Variants in APOB observed in about 807,000 individuals in gnomAD.
The protein encoded by APOB is apolipoprotein B-100.
A neutral mutation model predicts 314.1 loss-of-function variants in APOB; 153 were observed. That is an observed-to-expected ratio of 0.49 (90% CI 0.43 to 0.56). The LOEUF (loss-of-function observed/expected upper bound fraction) is 0.56. APOB is among the 20% of genes least tolerant of loss of function. APOB has a pLI of 0.00. For synonymous variants in APOB, 2,087 were observed against 2,036.4 expected, an observed-to-expected ratio of 1.02 and a Z score of -0.67; for missense variants, 5,430 against 5,350.7, an observed-to-expected ratio of 1.01 and a Z score of -0.46.
intron 24 of APOB, among the ~76,000 whole-genome samples, chr2:21,014,223 A>T (rs1339105406): frequency 6.6e-6 from 1 of 152,234 alleles, no homozygotes; most frequent in Non-Finnish European, 1.5e-5. Flanking sequence ...TTAGGGTGAA[A>T]GTACCAGAAT....
At chr2:21,043,421 AGCCCTGTAGAGTGGGAG>A in intron 2 of APOB, 75 bp downstream of exon 2, 1 of 1,428,666 alleles carries the variant, frequency 7.0e-7, no homozygotes, top group Non-Finnish European at 9.7e-7. Flanking sequence ...ATGCCATCTC[AGCCCTGTAGAGTGGGAG>A]GCCCTCAGGG....
Position 21,002,549 on chromosome 2 carries a change from C to A in APOB, c.12873G>T (p.Lys4291Asn). Residue 4291 changes from lysine to asparagine, a missense_variant, in exon 29 of 29, where the codon AAG becomes AAT. Lys to Asn is a moderately conservative substitution (Grantham distance 94). This residue lies in a region of APOB where 3,281 missense variants were observed against 3,171.0 expected (regional missense o/e 1.03). Coordinates refer to ENST00000233242, the MANE Select transcript of APOB (RefSeq NM_000384.3). The part of the protein sequence containing the change: ...QEVFKAIQSL[K>N]TTEVLRNLQD... ...GAAGATTACGTAGCACCTCTGTGGTCTTGAGAGACTGAATGGCTTTAAATA... is the reference window on the plus strand; with the variant it reads ...GAAGATTACGTAGCACCTCTGTGGTATTGAGAGACTGAATGGCTTTAAATA... 1 of 1,613,888 alleles carries A rather than the reference C, an allele frequency of 6.2e-7. No homozygotes were observed. The highest frequency in any genetic ancestry group is 1.1e-5 in the South Asian group (1 of 91,050).
Position 21,011,136 on chromosome 2 carries a change from G to T in APOB, c.5732C>A (p.Thr1911Lys). The T allele has an allele frequency of 1.2e-6, 2 of 1,614,202 alleles. No homozygotes were observed. Among genetic ancestry groups the T allele is most frequent in the African/African-American group, 1.3e-5 (1 of 75,050 alleles). ...APFTMTIDAHTNGNGKLALWG... is the reference protein window; with the variant it reads ...APFTMTIDAHKNGNGKLALWG... ...GAGAGCGAGTTTCCCATTGCCATTT[G>T]TATGTGCATCGATGGTCATGGTAAA... Residue 1911 changes from threonine to lysine, a missense_variant, in exon 26 of 29, where the codon ACA (threonine) becomes AAA (lysine). Thr to Lys is a moderately conservative substitution (Grantham distance 78). This residue lies in a region of APOB where 3,281 missense variants were observed against 3,171.0 expected (regional missense o/e 1.03). Transcript: ENST00000233242.
chr2:21,013,405 T>G lies in APOB; in HGVS notation c.3971A>C (p.Lys1324Thr), dbSNP rs763846768. The G allele has an allele frequency of 3.3e-5, 54 of 1,614,060 alleles. No homozygotes were observed. In the Admixed American group the frequency reaches 8.2e-4, roughly 24 times the overall value. The change falls in exon 25 of 29, where the codon AAG becomes ACG. Residue 1324 changes from lysine to threonine, a missense_variant. Physicochemically the swap from Lys to Thr is moderately conservative, Grantham distance 78. This residue lies in a region of APOB where 2,085 missense variants were observed against 2,079.7 expected (regional missense o/e 1.00). Coordinates refer to ENST00000233242, the MANE Select transcript of APOB (RefSeq NM_000384.3). ...ETVRTPALHFKSVGFHLPSRE... is the reference protein window; with the variant it reads ...ETVRTPALHFTSVGFHLPSRE... Reference sequence around the variant, plus strand: ...AGATGGCAGATGGAATCCCACAGACTTGAAGTGGAGGGCTGGTGTCCTAAC... The same window carrying G: ...AGATGGCAGATGGAATCCCACAGACGTGAAGTGGAGGGCTGGTGTCCTAAC...
rs756428756 is a variant in APOB at position 21,014,397 on chromosome 2, C to G, written c.3842+51G>C. On this transcript the variant is annotated intron_variant, in intron 24 of 28. Transcript: ENST00000233242. ...ATGTCTAAATCATGCTATGTAAAATCTTTCATTTACTTTGCATGGTTCAAG... is the reference window on the plus strand; with the variant it reads ...ATGTCTAAATCATGCTATGTAAAATGTTTCATTTACTTTGCATGGTTCAAG... 19 of 1,602,750 alleles carry G rather than the reference C, an allele frequency of 1.2e-5. No homozygotes were observed. In the East Asian group the frequency reaches 4.0e-4, roughly 34 times the overall value.
chr2:21,010,879 C>T lies in APOB; in HGVS notation c.5989G>A (p.Asp1997Asn), dbSNP rs142661577. The change falls in exon 26 of 29, where the codon GAT (aspartate) becomes AAT (asparagine). Residue 1997 changes from aspartate to asparagine, a missense_variant. Physicochemically the swap from Asp to Asn is conservative, Grantham distance 23. This residue lies in a region of APOB where 3,281 missense variants were observed against 3,171.0 expected (regional missense o/e 1.03). Transcript: ENST00000233242. ...FNNNEYSQDLDAYNTKDKIGV... is the reference protein window; with the variant it reads ...FNNNEYSQDLNAYNTKDKIGV... The stretch of plus-strand genomic sequence containing the variant: ...ATTTTATCTTTAGTGTTGTAAGCAT[C>T]CAAGTCCTGGCTGTATTCATTGTTG... The T allele has an allele frequency of 3.4e-5, 55 of 1,613,974 alleles. No individual in the cohort carries two copies. In the African/African-American group the frequency reaches 5.9e-4, roughly 17 times the overall value.
chr2:21,026,733 G>A lies in APOB; in HGVS notation c.2244+55C>T. 3 of 1,395,360 alleles carry A rather than the reference G, an allele frequency of 2.1e-6. No homozygotes were observed. In the Admixed American group the frequency reaches 5.0e-5, roughly 23 times the overall value. The allele number at this position is 1,395,360 out of a possible 1,614,324, so 86.4% of individuals were successfully genotyped here. A position where few individuals can be genotyped will look rare whatever the true frequency, so the allele number is the denominator to read the frequency against. ...GGACTTCCATGCTTAGAAAAGAATT[G>A]TTTTTGCATTGAGACCCAAAGCTTT... On this transcript the variant is annotated intron_variant, in intron 15 of 28. Coordinates refer to ENST00000233242, the MANE Select transcript of APOB (RefSeq NM_000384.3).
At position 21,010,945 on chromosome 2, in the gene APOB, C is replaced by T. The variant is rs962782390; in HGVS notation, c.5923G>A (p.Ala1975Thr). ...AGTTTCCAGGTGCCTGTCTGCTCAG[C>T]TGGAGTAAGCAGGGCACTGACTTTG... ...EHKVSALLTP[A>T]EQTGTWKLKT... Residue 1975 changes from alanine to threonine, a missense_variant, in exon 26 of 29, where the codon GCT (alanine) becomes ACT (threonine). Ala to Thr is a moderately conservative substitution (Grantham distance 58). Coordinates refer to ENST00000233242, the MANE Select transcript of APOB (RefSeq NM_000384.3). The T allele has an allele frequency of 1.2e-6, 2 of 1,614,122 alleles. No individual in the cohort carries two copies. The highest frequency in any genetic ancestry group is 8.5e-7 in the Non-Finnish European group (1 of 1,180,000).
In APOB at chr2:21,019,784, C is replaced by T. The variant is rs369310292; in HGVS notation, c.2938G>A (p.Ala980Thr). Residue 980 changes from alanine (A) to threonine (T), a missense_variant, in exon 19 of 29, where the codon GCT becomes ACT. Physicochemically the swap from Ala to Thr is moderately conservative, Grantham distance 58. Around this residue, in one of 3 missense-constraint regions of APOB, gnomAD observed 2,085 missense variants for 2,079.7 expected, o/e 1.00. Transcript: ENST00000233242. The part of the protein sequence containing the change: ...FPGLNYCTSG[A>T]YSNASSTDSA... ...TCTGTGGAGCTGGCGTTGGAGTAAG[C>T]GCCTGAGGTGCAGTAATTCAGGCCA... The T allele has an allele frequency of 5.0e-5, 81 of 1,613,994 alleles. No homozygotes were observed. Among genetic ancestry groups the T allele is most frequent in the African/African-American group, 1.2e-4 (9 of 74,902 alleles).
At position 21,042,454 on chromosome 2, in the gene APOB, G is replaced by T. The variant is rs1404729103; in HGVS notation, c.144C>A (p.His48Gln). The T allele has an allele frequency of 3.7e-6, 6 of 1,614,144 alleles. No individual in the cohort carries two copies. Among genetic ancestry groups the T allele is most frequent in the Non-Finnish European group, 5.1e-6 (6 of 1,180,020 alleles). Residue 48 changes from histidine to glutamine, a missense_variant, in exon 3 of 29, where the codon CAC becomes CAA. Around this residue, in one of 3 missense-constraint regions of APOB, gnomAD observed 2,085 missense variants for 2,079.7 expected, o/e 1.00. Transcript: ENST00000233242. ...CATAGTTGTATGTGTACTTCCGGAG[G>T]TGCTTGAATCGGGTCGCATCTTCTA... ...VCPKDATRFK[H>Q]LRKYTYNYEA...
chr2:21,009,470 T>C lies in APOB; in HGVS notation c.7398A>G (p.Leu2466=), dbSNP rs769499708. 6 of 1,614,150 alleles carry C rather than the reference T, an allele frequency of 3.7e-6. No homozygotes were observed. The highest frequency in any genetic ancestry group is 4.2e-6 in the Non-Finnish European group (5 of 1,179,986). ...CCTTGGTTTCCTCTAAAAACAGTTT[T>C]AATGCTTCAGCTTTTTGTGGTAGTT... is the stretch of plus-strand genomic sequence containing the variant. ...ALELPQKAEA[L]KLFLEETKAT... Residue 2466 remains leucine (L), a synonymous_variant, in exon 26 of 29, where the codon TTA becomes TTG. Coordinates refer to ENST00000233242, the MANE Select transcript of APOB (RefSeq NM_000384.3).
chr2:21,011,772 A>G lies in APOB; in HGVS notation c.5096T>C (p.Leu1699Pro). Residue 1699 changes from leucine (L) to proline (P), a missense_variant, in exon 26 of 29, where the codon CTG becomes CCG. Leu to Pro is a moderately conservative substitution (Grantham distance 98). This residue lies in a region of APOB where 2,085 missense variants were observed against 2,079.7 expected (regional missense o/e 1.00). Coordinates refer to ENST00000233242, the MANE Select transcript of APOB (RefSeq NM_000384.3). ...CTCTGTGAGGGCGGCTTTCCCATCC[A>G]GACTGAATTTTGCATTGTGTTCCCT... ...RFREHNAKFS[L>P]DGKAALTELS... 6.2e-7 allele frequency: 1 copy of G among 1,614,102 alleles called. No individual in the cohort carries two copies.
intron 20 of APOB, among the ~76,000 whole-genome samples, chr2:21,016,935 G>C (rs947237866): frequency 4.0e-5 from 6 of 151,432 alleles, no homozygotes; most frequent in Non-Finnish European, 8.8e-5. Context: ...AGTGAGCCGA[G>C]ATGGCACCAC....
rs867744780 is a variant in APOB, at chr2:21,033,171, C to A, written c.1124+128G>T. On this transcript the variant is annotated intron_variant, in intron 9 of 28. Coordinates refer to ENST00000233242, the MANE Select transcript of APOB (RefSeq NM_000384.3). ...TAGTTCTCTATCCAGCAATCATGAACTGATTGACTAATTGATTAACTGGAT... is the reference window on the plus strand; with the variant it reads ...TAGTTCTCTATCCAGCAATCATGAAATGATTGACTAATTGATTAACTGGAT... The A allele has an allele frequency of 1.7e-4, 123 of 743,070 alleles. No individual in the cohort carries two copies. The African/African-American group carries it at 2.0e-3, about 12-fold the overall frequency. The allele number at this position is 743,070 out of a possible 1,614,324, so 46.0% of individuals were successfully genotyped here.
Position 21,003,203 on chromosome 2 carries a change from G to A in APOB, c.12219C>T (p.Asn4073=), listed in dbSNP as rs886055573. Residue 4073 remains asparagine (N), a synonymous_variant, in exon 29 of 29, where the codon AAC becomes AAT. Coordinates refer to ENST00000233242, the MANE Select transcript of APOB (RefSeq NM_000384.3). The part of the protein sequence containing the change: ...ASGLLTSLKD[N]VPKATGVLYD... Reference sequence around the variant, plus strand: ...AAAGGACCCCTGTGGCCTTGGGCACGTTGTCTTTCAGAGAGGTTAGCAAGC... The same window carrying A: ...AAAGGACCCCTGTGGCCTTGGGCACATTGTCTTTCAGAGAGGTTAGCAAGC... 1.9e-5 allele frequency: 31 copies of A among 1,614,016 alleles called. 1 individual carries two copies. Among genetic ancestry groups the A allele is most frequent in the South Asian group, 1.3e-4 (12 of 91,074 alleles).
chr2:21,039,123 A>G (rs1664074950), intron 4 of APOB, among the ~76,000 whole-genome samples: 1 of 152,190 alleles, frequency 6.6e-6, no homozygotes, highest in Non-Finnish European at 1.5e-5. Flanking sequence ...AGTCCCAAAG[A>G]CTAAAATATC....
chr2:21,010,254 A>G lies in APOB; in HGVS notation c.6614T>C (p.Ile2205Thr). ...KIAIANIIDE[I>T]IEKLKSLDEH... is the part of the protein sequence containing the mutation. ...ATCAAGACTTTTTAATTTTTCAATG[A>G]TTTCATCAATAATATTAGCAATAGC... The change falls in exon 26 of 29, where the codon ATC becomes ACC. Residue 2205 changes from isoleucine (I) to threonine (T), a missense_variant. Transcript: ENST00000233242. 1 of 1,557,074 alleles carries G rather than the reference A, an allele frequency of 6.4e-7. No individual in the cohort carries two copies. Among genetic ancestry groups the G allele is most frequent in the Non-Finnish European group, 8.7e-7 (1 of 1,153,550 alleles).
chr2:21,034,521 C>CT (rs1663954681), intron 8 of APOB, among the ~76,000 whole-genome samples: 1 of 152,206 alleles, frequency 6.6e-6, no homozygotes, highest in Non-Finnish European at 1.5e-5. Context: ...TGGGACAGCT[C>CT]TGGATCTTAT....
chr2:21,012,767 G>T (rs981852133), intron 25 of APOB, 116 bp from the exon 26 acceptor site: 5 of 1,093,214 alleles, frequency 4.6e-6, no homozygotes, highest in Non-Finnish European at 6.6e-6. Context: ...TTGTGCAATA[G>T]ACTCCTCCAT....
Sources: allele counts gnomAD v4.1 joint callset (sites outside exome capture counted in the v4.1 genomes callset), GRCh38; gene constraint gnomAD v4.1.1; regional missense constraint gnomAD v4.1.1; transcripts MANE v1.5; gene names NCBI Gene and HGNC (gene_info 2026-07-23, HGNC 2026-07-21).